The following SHTN1 variants were observed in gnomAD, a reference collection of about 807,000 sequenced individuals.
SHTN1 encodes the protein shootin-1.
SHTN1 carries 42 observed loss-of-function variants against 83.1 expected under a neutral mutation model. The observed-to-expected ratio is 0.51, with a 90% CI of 0.39 to 0.65. The LOEUF (loss-of-function observed/expected upper bound fraction) is 0.65. Among genes scored for constraint, SHTN1 ranks in the 30% least tolerant of loss-of-function variants. The pLI, the probability that SHTN1 is intolerant of heterozygous loss-of-function variation, is 0.00. For missense variants in SHTN1, 622 were observed against 737.8 expected, an observed-to-expected ratio of 0.84 and a Z score of 1.82; for synonymous variants, 224 against 247.7, an observed-to-expected ratio of 0.90 and a Z score of 0.90.
chr10:117,027,224 TG>T (rs1172683411), intron 2 of SHTN1, among the ~76,000 whole-genome samples: 1 of 152,090 alleles, frequency 6.6e-6, no homozygotes, highest in East Asian at 1.9e-4. Context: ...GACTGGCTCA[TG>T]GGACTGGTTT....
chr10:116,989,497 A>G (rs115100543), intron 1 of SHTN1, among the ~76,000 whole-genome samples: 3,481 of 152,314 alleles, frequency 0.023, 126 homozygotes, highest in African/African-American at 0.079. Flanking sequence ...CTGTTTGCCT[A>G]AAAGCAGGAC....
chr10:117,106,680 C>T (rs1287548310), intron 1 of SHTN1, among the ~76,000 whole-genome samples: 2 of 152,144 alleles, frequency 1.3e-5, no homozygotes, highest in Non-Finnish European at 2.9e-5. Flanking sequence ...AAGCCAAACT[C>T]GAACAAGCTC....
chr10:116,905,281 C>CA (rs1038871386), intron 15 of SHTN1, among the ~76,000 whole-genome samples: 1 of 151,162 alleles, frequency 6.6e-6, no homozygotes. Flanking sequence ...AAGGATGACT[C>CA]AAGCACTGAT....
chr10:116,881,499 T>C lies in SHTN1; in HGVS notation c.*4845A>G, dbSNP rs1014696338. 61 of 1,524,280 alleles carry C rather than the reference T, an allele frequency of 4.0e-5. No homozygotes were observed. The African/African-American group carries it at 5.2e-4, about 13-fold the overall frequency. 94.4% of individuals were successfully genotyped at this position (1,524,280 alleles called of 1,614,324 possible). The stretch of plus-strand genomic sequence containing the variant: ...CCATTGGATTAGACAGTAAACTTTA[T>C]TGTTACTTTAAATAGGTTTCAAAGA... On this transcript the variant is annotated 3_prime_UTR_variant, in exon 17 of 17. Transcript: ENST00000355371.
At chr10:116,964,591 T>C (rs771803963) in intron 3 of SHTN1, among the ~76,000 whole-genome samples, 1 of 152,250 alleles carries the variant, frequency 6.6e-6, no homozygotes, top group Admixed American at 6.5e-5. Context: ...TTCAAAAGTT[T>C]TCCATGTGGT....
intron 2 of SHTN1, among the ~76,000 whole-genome samples, chr10:117,038,615 A>G (rs1486349823): frequency 6.6e-6 from 1 of 152,240 alleles, no homozygotes; most frequent in Non-Finnish European, 1.5e-5. Context: ...TCCAAAATAT[A>G]CAAAGAACTC....
Position 116,882,969 on chromosome 10 carries a change from T to TACACACACACACAC in SHTN1, c.*3361_*3374dup, listed in dbSNP as rs61072842. 47 of 138,602 alleles carry TACACACACACACAC rather than the reference T, an allele frequency of 3.4e-4. No homozygotes were observed. The highest frequency in any genetic ancestry group is 1.0e-3 in the African/African-American group (39 of 39,108). 8.6% of individuals were successfully genotyped at this position (138,602 alleles called of 1,614,324 possible). A position where few individuals can be genotyped will look rare whatever the true frequency, so the allele number is the denominator to read the frequency against. Reference sequence around the variant, plus strand: ...GGGTGTTCACATACCCTTTGAAAAATACACACACACACACACACACACACA... The same window carrying TACACACACACACAC: ...GGGTGTTCACATACCCTTTGAAAAATACACACACACACACACACACACACACACACACACACACA... On this transcript the variant is annotated 3_prime_UTR_variant, in exon 17 of 17. Coordinates refer to ENST00000355371, the MANE Select transcript of SHTN1 (RefSeq NM_001127211.3).
intron 1 of SHTN1, among the ~76,000 whole-genome samples, chr10:117,088,255 A>G (rs1182299962): frequency 2.0e-5 from 3 of 152,196 alleles, no homozygotes; most frequent in African/African-American, 4.8e-5. Flanking sequence ...CAAACCTCTA[A>G]TATCTACCAG....
intron 8 of SHTN1, among the ~76,000 whole-genome samples, chr10:116,942,605 T>G (rs962247080): frequency 4.6e-5 from 7 of 152,214 alleles, no homozygotes; most frequent in Non-Finnish European, 8.8e-5. Context: ...AAGTTTTTGG[T>G]TTTGTTTTTT....
At position 117,061,736 on chromosome 10, in the gene SHTN1, G is replaced by T. The variant is rs541158776; in HGVS notation, c.-188-13226C>A. On this transcript the variant is annotated intron_variant, in intron 1 of 17. Transcript: ENST00000392901. Reference sequence around the variant, plus strand: ...TCCGCCTGCCTTGGCCTCCCAAAGTGCTGGGATTACAGACATGAGCCACCA... The same window carrying T: ...TCCGCCTGCCTTGGCCTCCCAAAGTTCTGGGATTACAGACATGAGCCACCA... 5.9e-3 allele frequency among the ~76,000 whole-genome samples: 899 copies of T among 152,286 alleles called. 5 individuals are homozygous for T. The highest frequency in any genetic ancestry group is 8.9e-3 in the Non-Finnish European group (605 of 68,032).
chr10:117,012,683 A>G (rs556873343), intron 2 of SHTN1, among the ~76,000 whole-genome samples: 8 of 152,212 alleles, frequency 5.3e-5, no homozygotes, highest in Non-Finnish European at 1.0e-4. Flanking sequence ...CGTGTAACCT[A>G]AAGTCTGGCA....
chr10:117,077,940 G>A (rs978955551), intron 1 of SHTN1, among the ~76,000 whole-genome samples: 9 of 152,132 alleles, frequency 5.9e-5, no homozygotes, highest in Non-Finnish European at 1.0e-4. Context: ...AAGAAGAGAC[G>A]CAGCAGCAAA....
Position 117,033,861 on chromosome 10 carries a change from T to G in SHTN1, c.-123+14584A>C, listed in dbSNP as rs771753775. ...AGTGGGATTTATTCCTGGGATGCAA[T>G]AATAGTTCAAAATATACAAGTCAAT... On this transcript the variant is annotated intron_variant, in intron 2 of 17. Transcript: ENST00000392901. Among the ~76,000 whole-genome samples, 38 of 151,484 alleles carry G rather than the reference T, an allele frequency of 2.5e-4. 1 individual carries two copies. The highest frequency in any genetic ancestry group is 8.8e-5 in the Non-Finnish European group (6 of 67,910).
At chr10:117,062,606 A>C (rs747825217) in intron 1 of SHTN1, among the ~76,000 whole-genome samples, 23 of 152,168 alleles carry the variant, frequency 1.5e-4, no homozygotes, top group Non-Finnish European at 2.9e-4. Context: ...GCACATAATA[A>C]TAATACCCAG....
intron 2 of SHTN1, among the ~76,000 whole-genome samples, chr10:117,034,246 C>T (rs1471042325): frequency 1.3e-5 from 2 of 152,150 alleles, no homozygotes; most frequent in Non-Finnish European, 2.9e-5. Flanking sequence ...GTCAAATTGT[C>T]CTTGTTTGCA....
rs1298520231 is a variant in SHTN1 at position 116,968,676 on chromosome 10, T to C, written c.148A>G (p.Lys50Glu). 1.9e-6 allele frequency: 3 copies of C among 1,612,354 alleles called. No individual in the cohort carries two copies. The highest frequency in any genetic ancestry group is 2.5e-6 in the Non-Finnish European group (3 of 1,178,878). The change falls in exon 3 of 17, where the codon AAA becomes GAA. Residue 50 changes from lysine to glutamate, a missense_variant. By Grantham distance (56) the Lys-to-Glu change is moderately conservative. Around this residue, in one of 3 missense-constraint regions of SHTN1, gnomAD observed 383 missense variants for 455.8 expected, o/e 0.84. Coordinates refer to ENST00000355371, the MANE Select transcript of SHTN1 (RefSeq NM_001127211.3). ...KIRQERDEAV[K>E]KLEEFQKISH... Reference sequence around the variant, plus strand: ...CTTTTCTGAAATTCTTCCAGTTTTTTAACGGCTTCATCTCGTTCTTGCCTA... The same window carrying C: ...CTTTTCTGAAATTCTTCCAGTTTTTCAACGGCTTCATCTCGTTCTTGCCTA...
intron 2 of SHTN1, among the ~76,000 whole-genome samples, chr10:117,017,667 G>T (rs1000271656): frequency 6.6e-6 from 1 of 152,016 alleles, no homozygotes; most frequent in Non-Finnish European, 1.5e-5. Flanking sequence ...ATATACCCCC[G>T]CAGGGGTTGG....
At chr10:117,018,240 G>A (rs546593169) in intron 2 of SHTN1, among the ~76,000 whole-genome samples, 24 of 152,300 alleles carry the variant, frequency 1.6e-4, no homozygotes, top group African/African-American at 5.5e-4. Flanking sequence ...TGGGCTGGGT[G>A]AAGAGTATAC....
At chr10:117,053,450 A>C (rs948909714) in intron 1 of SHTN1, among the ~76,000 whole-genome samples, 1 of 152,216 alleles carries the variant, frequency 6.6e-6, no homozygotes, top group African/African-American at 2.4e-5. Context: ...AAATGGGGAA[A>C]GGACTTGAAT....
Sources: gnomAD v4.1 joint callset for allele counts (sites outside exome capture counted in the v4.1 genomes callset) on GRCh38, gnomAD v4.1.1 for gene constraint, gnomAD v4.1.1 regional missense constraint, MANE v1.5 for transcripts, NCBI Gene and HGNC (gene_info 2026-07-23, HGNC 2026-07-21) for gene names.